DOCK1: variants seen among roughly 807,000 people sequenced by gnomAD.
DOCK1 encodes dedicator of cytokinesis 1.
A neutral mutation model predicts 262.7 loss-of-function variants in DOCK1; 138 were observed. The observed-to-expected ratio is 0.53, with a 90% CI of 0.46 to 0.61. DOCK1 has a LOEUF of 0.61. DOCK1 is among the 20% of genes least tolerant of loss of function. The pLI is 0.00. For synonymous variants in DOCK1, 866 were observed against 867.4 expected, an observed-to-expected ratio of 1.00 and a Z score of 0.03; for missense variants, 1,908 against 2,370.7, an observed-to-expected ratio of 0.80 and a Z score of 4.05.
At chr10:127,305,180 A>G (rs765785335) in intron 29 of DOCK1, among the ~76,000 whole-genome samples, 1 of 152,108 alleles carries the variant, frequency 6.6e-6, no homozygotes, top group South Asian at 2.1e-4. Flanking sequence ...AGTTTTCCAA[A>G]ACTGGTTCTT....
intron 27 of DOCK1, among the ~76,000 whole-genome samples, chr10:127,140,496 G>C (rs11594042): frequency 0.19 from 29,020 of 152,160 alleles, 3,634 homozygotes; most frequent in South Asian, 0.33. Context: ...GTGGATCTGC[G>C]TGTGGGATGA....
At chr10:127,173,252 GGACA>G (rs1184362048) in intron 27 of DOCK1, among the ~76,000 whole-genome samples, 13 of 152,106 alleles carry the variant, frequency 8.5e-5, no homozygotes, top group Admixed American at 3.9e-4. Context: ...CCTGTCTGCA[GGACA>G]GACAGTGATC....
At chr10:127,262,325 T>C (rs1385610049) in intron 29 of DOCK1, among the ~76,000 whole-genome samples, 1 of 152,108 alleles carries the variant, frequency 6.6e-6, no homozygotes, top group Non-Finnish European at 1.5e-5. Context: ...AAAGACACTT[T>C]TATTTGCAGA....
chr10:127,248,332 A>C (rs960357524), intron 28 of DOCK1, among the ~76,000 whole-genome samples: 1 of 152,174 alleles, frequency 6.6e-6, no homozygotes, highest in African/African-American at 2.4e-5. Context: ...AGAATGACTC[A>C]GGGGCTGAGC....
At chr10:127,422,158 CTTTTTTT>C (rs35535729) in intron 46 of DOCK1, among the ~76,000 whole-genome samples, 52 of 61,364 alleles carry the variant, frequency 8.5e-4, no homozygotes, top group East Asian at 1.4e-3. Context: ...TTTTGTTTGT[CTTTTTTT>C]TTTTTTTTTT....
intron 1 of DOCK1, among the ~76,000 whole-genome samples, chr10:126,924,923 T>G (rs1435187341): frequency 6.6e-6 from 1 of 152,268 alleles, no homozygotes; most frequent in Non-Finnish European, 1.5e-5. Flanking sequence ...GCATTAGTAC[T>G]TCCATTGTAC....
intron 14 of DOCK1, among the ~76,000 whole-genome samples, chr10:127,023,832 A>G (rs146806336): frequency 7.9e-5 from 12 of 152,306 alleles, no homozygotes; most frequent in Non-Finnish European, 1.3e-4. Flanking sequence ...CAGTCACACT[A>G]GAAGTACAGA....
At chr10:127,019,258 CCATGAATTCTAAGT>C (rs1435811797) in intron 13 of DOCK1, among the ~76,000 whole-genome samples, 1 of 152,156 alleles carries the variant, frequency 6.6e-6, no homozygotes, top group Non-Finnish European at 1.5e-5. Flanking sequence ...TGGCATTCCT[CCATGAATTCTAAGT>C]CATGAATTCT....
chr10:127,219,084 A>G (rs2058325881), intron 27 of DOCK1, among the ~76,000 whole-genome samples: 1 of 152,214 alleles, frequency 6.6e-6, no homozygotes, highest in African/African-American at 2.4e-5. Context: ...AAACTGTAGC[A>G]AGGACTAACT....
rs555300537 is a variant in DOCK1 at position 127,319,908 on chromosome 10, G to A, written c.3045-19098G>A. On this transcript the variant is annotated intron_variant, in intron 29 of 51. Coordinates refer to ENST00000623213, the MANE Select transcript of DOCK1 (RefSeq NM_001290223.2). ...GATGGGCAGAGGGCGAGGGCAAGAC[G>A]CTGGCTAGCCTTTGTCCAGTGGTCC... Among the ~76,000 whole-genome samples the A allele has an allele frequency of 5.3e-5, 8 of 152,320 alleles. No homozygotes were observed. The South Asian group carries it at 1.0e-3, about 20-fold the overall frequency.
intron 6 of DOCK1, among the ~76,000 whole-genome samples, chr10:126,991,413 T>C (rs189384045): frequency 3.3e-5 from 5 of 152,262 alleles, no homozygotes; most frequent in South Asian, 4.1e-4. Flanking sequence ...CAAATGCTCT[T>C]CTATTTCAGA....
chr10:127,011,469 A>G (rs927610924), intron 11 of DOCK1, among the ~76,000 whole-genome samples: 1 of 152,212 alleles, frequency 6.6e-6, no homozygotes, highest in African/African-American at 2.4e-5. Flanking sequence ...GATTTTAAAC[A>G]TTATGGCCAT....
intron 49 of DOCK1, among the ~76,000 whole-genome samples, chr10:127,443,498 G>C (rs2070326913): frequency 6.6e-6 from 1 of 152,032 alleles, no homozygotes; most frequent in Non-Finnish European, 1.5e-5. Context: ...TGTTTTCCCT[G>C]CTCTGTCTTA....
At chr10:127,338,206 A>G (rs1369789226) in intron 29 of DOCK1, among the ~76,000 whole-genome samples, 2 of 152,186 alleles carry the variant, frequency 1.3e-5, no homozygotes, top group East Asian at 1.9e-4. Flanking sequence ...CAAAGGGAAA[A>G]GGGCCATTTA....
intron 10 of DOCK1, among the ~76,000 whole-genome samples, chr10:127,004,934 C>T (rs1005126502): frequency 6.6e-6 from 1 of 152,174 alleles, no homozygotes; most frequent in African/African-American, 2.4e-5. Context: ...CCTGCTCTGC[C>T]CCGCTTATCA....
At chr10:127,449,118 C>T (rs930954757) in intron 51 of DOCK1, among the ~76,000 whole-genome samples, 6 of 152,192 alleles carry the variant, frequency 3.9e-5, no homozygotes, top group Non-Finnish European at 7.3e-5. Flanking sequence ...GCACCAGGTT[C>T]CCCTGTGAAG....
intron 28 of DOCK1, among the ~76,000 whole-genome samples, chr10:127,251,817 T>C (rs927709062): frequency 3.5e-5 from 5 of 144,736 alleles, no homozygotes; most frequent in African/African-American, 5.0e-5. Context: ...GTCTTTGCTA[T>C]TGTGAATAGT....
intron 25 of DOCK1, among the ~76,000 whole-genome samples, chr10:127,122,106 C>T (rs2049624328): frequency 6.6e-6 from 1 of 152,206 alleles, no homozygotes; most frequent in African/African-American, 2.4e-5. Flanking sequence ...CCAGTGGGGG[C>T]TGTGCTGAGG....
At chr10:127,248,618 CAG>C (rs1237340188) in intron 28 of DOCK1, among the ~76,000 whole-genome samples, 1 of 152,224 alleles carries the variant, frequency 6.6e-6, no homozygotes, top group Admixed American at 6.5e-5. Flanking sequence ...AAAAGTATAA[CAG>C]AGGGGAATTT....
Sources: gnomAD v4.1 joint callset for allele counts (sites outside exome capture counted in the v4.1 genomes callset) on GRCh38, gnomAD v4.1.1 for gene constraint, MANE v1.5 for transcripts, NCBI Gene and HGNC (gene_info 2026-07-23, HGNC 2026-07-21) for gene names.